PTPRM: variants seen among roughly 807,000 people sequenced by gnomAD.
PTPRM encodes the protein protein tyrosine phosphatase receptor type M.
Under a neutral mutation model 186.7 loss-of-function variants are expected in PTPRM, and 47 were observed. The ratio of observed to expected loss-of-function variants is 0.25; its 90% CI spans 0.20 to 0.32. PTPRM has a LOEUF of 0.32. Among genes scored for constraint, PTPRM ranks in the 10% least tolerant of loss-of-function variants. The pLI is 1.00. For missense variants in PTPRM, 1,494 were observed against 1,865.0 expected (o/e 0.80, Z 3.66); for synonymous variants, 668 against 674.9 (o/e 0.99, Z 0.16).
At chr18:7,996,081 A>C (rs1220068609) in intron 7 of PTPRM, among the ~76,000 whole-genome samples, 1 of 152,050 alleles carries the variant, frequency 6.6e-6, no homozygotes, top group Admixed American at 6.6e-5. Flanking sequence ...AGTTCCCTTC[A>C]AGGTTTTGTA....
intron 19 of PTPRM, among the ~76,000 whole-genome samples, chr18:8,275,599 G>A (rs1205014970): frequency 6.6e-6 from 1 of 152,150 alleles, no homozygotes; most frequent in African/African-American, 2.4e-5. Context: ...TGTGCTGCCT[G>A]ACATAGGGCA....
At chr18:7,741,853 T>G (rs1311139482) in intron 1 of PTPRM, 1 of 152,202 alleles carries the variant, frequency 6.6e-6, no homozygotes, top group Non-Finnish European at 1.5e-5. Flanking sequence ...TGTAATTGCT[T>G]TCATCAAATT....
At chr18:7,578,011 C>T (rs1038081228) in intron 1 of PTPRM, among the ~76,000 whole-genome samples, 1 of 152,078 alleles carries the variant, frequency 6.6e-6, no homozygotes, top group African/African-American at 2.4e-5. Context: ...GATCCCTGAG[C>T]TGTTGAAAGA....
At chr18:7,957,575 T>C (rs1307271400) in intron 7 of PTPRM, among the ~76,000 whole-genome samples, 1 of 151,820 alleles carries the variant, frequency 6.6e-6, no homozygotes, top group Non-Finnish European at 1.5e-5. Flanking sequence ...CCTTAGAAAA[T>C]GGAGAGAGAT....
chr18:7,920,818 C>T (rs2050817631), intron 4 of PTPRM, among the ~76,000 whole-genome samples: 1 of 151,818 alleles, frequency 6.6e-6, no homozygotes, highest in African/African-American at 2.4e-5. Context: ...TTTTGTTTGT[C>T]TGGGAAAGAC....
At chr18:8,370,652 TAC>T (rs764284790) in intron 23 of PTPRM, among the ~76,000 whole-genome samples, 51 of 152,136 alleles carry the variant, frequency 3.4e-4, no homozygotes, top group Admixed American at 9.8e-4. Context: ...GTGGTAAAAA[TAC>T]AATTTTTTAA....
intron 14 of PTPRM, among the ~76,000 whole-genome samples, chr18:8,165,141 C>T (rs915436734): frequency 4.1e-5 from 6 of 146,242 alleles, no homozygotes; most frequent in African/African-American, 7.7e-5. Context: ...TGCACTCCTG[C>T]GTGGTGACAG....
At chr18:8,359,178 C>G (rs2095581711) in intron 23 of PTPRM, among the ~76,000 whole-genome samples, 1 of 152,224 alleles carries the variant, frequency 6.6e-6, no homozygotes, top group South Asian at 2.1e-4. Flanking sequence ...TCTTTATGTG[C>G]TATAAGTCAT....
At chr18:8,346,041 C>T (rs1010524518) in intron 23 of PTPRM, among the ~76,000 whole-genome samples, 28 of 152,172 alleles carry the variant, frequency 1.8e-4, no homozygotes, top group African/African-American at 6.5e-4. Context: ...ATTTTATATA[C>T]TAAAAGTATA....
At chr18:7,944,280 G>A (rs1467056862) in intron 5 of PTPRM, among the ~76,000 whole-genome samples, 1 of 152,164 alleles carries the variant, frequency 6.6e-6, no homozygotes, top group Non-Finnish European at 1.5e-5. Context: ...CTGCAGTAGA[G>A]TACATGTTGT....
chr18:8,112,649 G>A (rs999898674), intron 11 of PTPRM, among the ~76,000 whole-genome samples: 1 of 152,194 alleles, frequency 6.6e-6, no homozygotes, highest in Non-Finnish European at 1.5e-5. Flanking sequence ...TCTGGCAAAT[G>A]TATTAAATAA....
chr18:7,774,192 T>G lies in PTPRM; in HGVS notation c.117T>G (p.Ser39Arg). ...FDEPYSTCGY[S>R]QSEGDDFNWE... is the part of the protein sequence containing the mutation. ...AGCCGTATAGCACATGTGGATATAG[T>G]CAATCTGAAGGTGATGACTTCAATT... Residue 39 changes from serine to arginine, a missense_variant, in exon 2 of 33, where the codon AGT (serine) becomes AGG (arginine). Ser to Arg is a moderately radical substitution (Grantham distance 110). Coordinates refer to ENST00000580170, the MANE Select transcript of PTPRM (RefSeq NM_001105244.2). 6.2e-7 allele frequency: 1 copy of G among 1,612,850 alleles called. No homozygotes were observed. Among genetic ancestry groups the G allele is most frequent in the Non-Finnish European group, 8.5e-7 (1 of 1,178,828 alleles).
chr18:7,830,083 T>C (rs868471620), intron 2 of PTPRM, among the ~76,000 whole-genome samples: 1 of 152,242 alleles, frequency 6.6e-6, no homozygotes, highest in Non-Finnish European at 1.5e-5. Flanking sequence ...TATACTTCAT[T>C]GTTTTGGTAA....
intron 1 of PTPRM, among the ~76,000 whole-genome samples, chr18:7,623,612 G>A (rs780899845): frequency 1.3e-5 from 2 of 151,816 alleles, no homozygotes; most frequent in Non-Finnish European, 2.9e-5. Flanking sequence ...TTATTTTTTG[G>A]GTTGTTGGTA....
At chr18:7,993,694 C>A (rs2083383015) in intron 7 of PTPRM, among the ~76,000 whole-genome samples, 1 of 152,092 alleles carries the variant, frequency 6.6e-6, no homozygotes, top group South Asian at 2.1e-4. Flanking sequence ...TGGGATTTGT[C>A]ACCACTAGAC....
chr18:8,275,440 T>TA (rs1470009780), intron 19 of PTPRM, among the ~76,000 whole-genome samples: 6 of 151,828 alleles, frequency 4.0e-5, no homozygotes, highest in Non-Finnish European at 8.8e-5. Flanking sequence ...TAAGATTCTG[T>TA]AAAAAAAGAA....
chr18:8,302,291 AG>A (rs2095167127), intron 20 of PTPRM, among the ~76,000 whole-genome samples: 1 of 151,964 alleles, frequency 6.6e-6, no homozygotes, highest in Non-Finnish European at 1.5e-5. Context: ...CAGAATTGGG[AG>A]GGGTTCATGT....
chr18:8,167,393 A>G (rs1306711295), intron 14 of PTPRM, among the ~76,000 whole-genome samples: 1 of 152,194 alleles, frequency 6.6e-6, no homozygotes, highest in Non-Finnish European at 1.5e-5. Flanking sequence ...ACTTCTCAGC[A>G]TCACTCTTAG....
intron 2 of PTPRM, among the ~76,000 whole-genome samples, chr18:7,794,349 C>T (rs768418005): frequency 2.0e-5 from 3 of 152,178 alleles, no homozygotes; most frequent in Non-Finnish European, 4.4e-5. Context: ...CGGAGCCCCT[C>T]ACACTGCCTG....
Sources: allele counts gnomAD v4.1 joint callset (sites outside exome capture counted in the v4.1 genomes callset), GRCh38; gene constraint gnomAD v4.1.1; transcripts MANE v1.5; gene names NCBI Gene and HGNC (gene_info 2026-07-23, HGNC 2026-07-21).